Variants in SEC14L1 observed in about 807,000 individuals in gnomAD.
SEC14L1 encodes the protein SEC14 like lipid binding 1.
Under a neutral mutation model 85.3 loss-of-function variants are expected in SEC14L1, and 48 were observed. The ratio of observed to expected loss-of-function variants is 0.56; its 90% CI spans 0.45 to 0.72. SEC14L1 has a LOEUF of 0.72. Ranked by LOEUF, SEC14L1 falls within the 30% of genes least tolerant of loss-of-function variation. SEC14L1 has a pLI of 0.00. For synonymous variants in SEC14L1, 391 were observed against 355.5 expected, an observed-to-expected ratio of 1.10 and a Z score of -1.12; for missense variants, 682 against 921.4, an observed-to-expected ratio of 0.74 and a Z score of 3.36.
At chr17:77,171,436 G>A (rs1200066818) in intron 3 of SEC14L1, among the ~76,000 whole-genome samples, 1 of 152,206 alleles carries the variant, frequency 6.6e-6, no homozygotes, top group Admixed American at 6.5e-5. Flanking sequence ...TGGGGAAGAG[G>A]CAGCTTGCTT....
At chr17:77,188,300 G>C (rs901773489) in intron 3 of SEC14L1, among the ~76,000 whole-genome samples, 1 of 151,902 alleles carries the variant, frequency 6.6e-6, no homozygotes, top group Non-Finnish European at 1.5e-5. Context: ...CTTCGCTCCT[G>C]TCCCCACCCC....
chr17:77,199,608 CTCTT>C (rs1598388096), intron 8 of SEC14L1: 2 of 152,478 alleles, frequency 1.3e-5, no homozygotes, highest in East Asian at 3.9e-4. Context: ...GTCCTGCTCT[CTCTT>C]TATTCTAACT....
intron 3 of SEC14L1, among the ~76,000 whole-genome samples, chr17:77,101,892 G>A (rs1598218978): frequency 1.3e-5 from 2 of 152,110 alleles, no homozygotes; most frequent in South Asian, 4.1e-4. Flanking sequence ...GTCCCGTTGC[G>A]GTCACCATTT....
At chr17:77,138,353 G>A (rs1972854366), upstream of SEC14L1, among the ~76,000 whole-genome samples, 1 of 152,134 alleles carries the variant, frequency 6.6e-6, no homozygotes, top group African/African-American at 2.4e-5. Flanking sequence ...AGGGTGCTGT[G>A]GTTCACTCCT....
At chr17:77,173,842 T>A (rs986194237) in intron 3 of SEC14L1, among the ~76,000 whole-genome samples, 2 of 152,116 alleles carry the variant, frequency 1.3e-5, no homozygotes, top group African/African-American at 4.8e-5. Context: ...GGAGAAGGTG[T>A]TTTTTTGAGT....
intron 8 of SEC14L1, among the ~76,000 whole-genome samples, chr17:77,197,245 C>T (rs578049329): frequency 2.2e-4 from 34 of 152,290 alleles, no homozygotes; most frequent in African/African-American, 3.1e-4. Flanking sequence ...CTTGTTCTGA[C>T]GGACCAGCCT....
chr17:77,200,871 G>A (rs946335390), intron 9 of SEC14L1, among the ~76,000 whole-genome samples, 198 bp downstream of exon 9: 7 of 152,190 alleles, frequency 4.6e-5, no homozygotes, highest in African/African-American at 1.7e-4. Context: ...CCCGCCCCGG[G>A]CAGCCAGGAA....
chr17:77,116,283 T>C (rs545330046), intron 3 of SEC14L1, among the ~76,000 whole-genome samples: 4 of 152,314 alleles, frequency 2.6e-5, no homozygotes, highest in African/African-American at 9.6e-5. Flanking sequence ...GGGTCTTTGC[T>C]GTTGCAAGAA....
chr17:77,146,969 A>G (rs190061401), intron 3 of SEC14L1, among the ~76,000 whole-genome samples: 27 of 152,366 alleles, frequency 1.8e-4, no homozygotes, highest in African/African-American at 6.5e-4. Context: ...TTTTCAGTTC[A>G]GCATTCAGAG....
At chr17:77,120,276 G>A (rs1972263399) in intron 3 of SEC14L1, among the ~76,000 whole-genome samples, 1 of 152,130 alleles carries the variant, frequency 6.6e-6, no homozygotes, top group South Asian at 2.1e-4. Flanking sequence ...ATCTAGGCAT[G>A]AAGCGTTCTA....
upstream of SEC14L1, among the ~76,000 whole-genome samples, chr17:77,139,076 T>C (rs1218832628): frequency 6.6e-6 from 1 of 152,234 alleles, no homozygotes; most frequent in Non-Finnish European, 1.5e-5. Context: ...CCAATTGTTT[T>C]TCATGGTGTC....
exon 2 of SEC14L1, chr17:77,089,175 A>G: frequency 5.3e-5 from 18 of 342,176 alleles, no homozygotes; most frequent in Non-Finnish European, 8.6e-5. Flanking sequence ...AATGAGAAAT[A>G]TCCCCCGACG....
At chr17:77,115,866 A>G (rs1468269198) in intron 3 of SEC14L1, among the ~76,000 whole-genome samples, 1 of 151,924 alleles carries the variant, frequency 6.6e-6, no homozygotes, top group Non-Finnish European at 1.5e-5. Context: ...GGCCTGTTTG[A>G]AGTCAGTTTA....
intron 9 of SEC14L1, among the ~76,000 whole-genome samples, chr17:77,200,946 G>A (rs139355699): frequency 1.4e-4 from 22 of 152,306 alleles, no homozygotes; most frequent in African/African-American, 5.3e-4. Context: ...TCACTTGCTC[G>A]GTGCAGTACA....
Position 77,177,102 on chromosome 17 carries a change from C to G in SEC14L1, c.64-13701C>G, listed in dbSNP as rs562345173. Reference sequence around the variant, plus strand: ...TTTTTAAATTGTTTGGACATAGTAACTTAATAAATCATCAATTTTTTTGGT... The same window carrying G: ...TTTTTAAATTGTTTGGACATAGTAAGTTAATAAATCATCAATTTTTTTGGT... On this transcript the variant is annotated intron_variant, in intron 3 of 16. Coordinates refer to ENST00000436233, the MANE Select transcript of SEC14L1 (RefSeq NM_001143998.2). Among the ~76,000 whole-genome samples the G allele has an allele frequency of 3.3e-5, 5 of 151,868 alleles. No individual in the cohort carries two copies. In the South Asian group the frequency reaches 1.0e-3, roughly 32 times the overall value.
At chr17:77,197,994 A>G (rs996701245) in intron 8 of SEC14L1, among the ~76,000 whole-genome samples, 1 of 152,238 alleles carries the variant, frequency 6.6e-6, no homozygotes, top group Admixed American at 6.5e-5. Context: ...ACTTGCTACT[A>G]TTTCTTGTCA....
chr17:77,126,840 C>A (rs1242513739), intron 3 of SEC14L1, among the ~76,000 whole-genome samples: 1 of 152,162 alleles, frequency 6.6e-6, no homozygotes, highest in African/African-American at 2.4e-5. Flanking sequence ...CCTCGGGGTC[C>A]AGGAGGCTGA....
At chr17:77,111,622 A>G (rs1972050208) in intron 3 of SEC14L1, among the ~76,000 whole-genome samples, 1 of 152,084 alleles carries the variant, frequency 6.6e-6, no homozygotes, top group Non-Finnish European at 1.5e-5. Flanking sequence ...ATCATTTGGA[A>G]CTTTAAGGTT....
chr17:77,208,327 A>G (rs918681764), intron 13 of SEC14L1, among the ~76,000 whole-genome samples: 1 of 152,224 alleles, frequency 6.6e-6, no homozygotes, highest in Non-Finnish European at 1.5e-5. Context: ...TCAGGTTCGT[A>G]GAAACCTCTG....
Sources: allele counts gnomAD v4.1 joint callset (sites outside exome capture counted in the v4.1 genomes callset), GRCh38; gene constraint gnomAD v4.1.1; transcripts MANE v1.5; gene names NCBI Gene and HGNC (gene_info 2026-07-23, HGNC 2026-07-21).